Variants in PCNT observed in about 807,000 individuals in gnomAD.
PCNT encodes pericentrin.
Under a neutral mutation model 380.4 loss-of-function variants are expected in PCNT, and 319 were observed. The ratio of observed to expected loss-of-function variants is 0.84; its 90% CI spans 0.77 to 0.92. The LOEUF is 0.92. PCNT is among the 40% of genes least tolerant of loss of function. The probability of loss-of-function intolerance (pLI) is 0.00; values close to 1 mark genes in which losing one functional copy is unlikely to be tolerated. For synonymous variants in PCNT, 1,845 were observed against 1,735.2 expected, an observed-to-expected ratio of 1.06 and a Z score of -1.57; for missense variants, 4,400 against 4,255.3, an observed-to-expected ratio of 1.03 and a Z score of -0.95.
chr21:46,441,502 G>T (rs985849668), intron 43 of PCNT, among the ~76,000 whole-genome samples: 1 of 152,188 alleles, frequency 6.6e-6, no homozygotes, highest in Admixed American at 6.5e-5. Flanking sequence ...TAGGAATCCC[G>T]CTCCTTTCAG....
intron 6 of PCNT, among the ~76,000 whole-genome samples, chr21:46,347,748 C>T (rs1298327608): frequency 2.6e-5 from 4 of 152,208 alleles, no homozygotes; most frequent in African/African-American, 9.6e-5. Context: ...CTGCTCGGCC[C>T]CTCCATGCTG....
intron 39 of PCNT, among the ~76,000 whole-genome samples, chr21:46,436,720 G>A (rs2053466314): frequency 1.3e-5 from 2 of 152,124 alleles, no homozygotes; most frequent in Admixed American, 6.5e-5. Flanking sequence ...GGAAAGCCAC[G>A]GGGCCTGGCA....
intron 27 of PCNT, among the ~76,000 whole-genome samples, chr21:46,409,801 C>T (rs570165251): frequency 1.3e-5 from 2 of 152,010 alleles, no homozygotes; most frequent in East Asian, 1.9e-4. Flanking sequence ...ACCGTGTCGG[C>T]CAGGCTGATC....
intron 21 of PCNT, 30 bp downstream of exon 21, chr21:46,391,406 C>G (rs774281622): frequency 6.6e-7 from 1 of 1,524,330 alleles, no homozygotes; most frequent in South Asian, 1.2e-5. Flanking sequence ...GAGGGTGGTG[C>G]GAGCTGTGGG....
rs1326634567 is a variant in PCNT at position 46,388,926 on chromosome 21, C to A, written c.3607+42C>A. 1.9e-6 allele frequency: 3 copies of A among 1,556,856 alleles called. No homozygotes were observed. In the African/African-American group the frequency reaches 4.1e-5, roughly 21 times the overall value. On this transcript the variant is annotated intron_variant, in intron 18 of 46. Transcript: ENST00000359568. The surrounding 1 kb of genome is among the most constrained non-coding windows in gnomAD (Gnocchi z 4.2). The stretch of plus-strand genomic sequence containing the variant: ...CAGCTGCCCAGCCCTGTGCTTGCAG[C>A]CCCTCTGTGGTCCTGGAGCTCTCTG...
Position 46,397,300 on chromosome 21 carries a change from C to T in PCNT, c.4252C>T (p.Gln1418Ter), listed in dbSNP as rs760980034. 6.2e-7 allele frequency: 1 copy of T among 1,614,084 alleles called. No individual in the cohort carries two copies. ...RKEVEDLTKE[Q>*]SETRKQAEKD... Reference sequence around the variant, plus strand: ...GGAAGTGGAGGATCTGACCAAAGAACAGTCGGAGACCAGGAAGCAGGCTGA... The same window carrying T: ...GGAAGTGGAGGATCTGACCAAAGAATAGTCGGAGACCAGGAAGCAGGCTGA... The change falls in exon 22 of 47, where the codon CAG (glutamine) becomes TAG (stop). Residue 1418 changes from glutamine (Q) to a stop codon, truncating the protein, a stop_gained. Transcript: ENST00000359568. LOFTEE classifies it high-confidence loss of function.
intron 40 of PCNT, 107 bp downstream of exon 40, chr21:46,437,188 C>T (rs1255667999): frequency 2.8e-5 from 21 of 744,694 alleles, no homozygotes; most frequent in African/African-American, 5.2e-5. Context: ...CTTCCTCCCT[C>T]GCTGCCTTCT....
chr21:46,380,124 C>A (rs938416937), intron 15 of PCNT, among the ~76,000 whole-genome samples: 1 of 144,544 alleles, frequency 6.9e-6, no homozygotes, highest in Non-Finnish European at 1.5e-5. Flanking sequence ...CTGACTGTTT[C>A]CAACCGGTGC....
At chr21:46,330,787 C>T (rs1413911041) in intron 2 of PCNT, among the ~76,000 whole-genome samples, 2 of 152,206 alleles carry the variant, frequency 1.3e-5, no homozygotes, top group African/African-American at 2.4e-5. Context: ...TTAAAGCTAG[C>T]AGCTGGTGGC....
intron 25 of PCNT, 145 bp from the exon 26 acceptor site, chr21:46,401,406 T>G: frequency 1.4e-6 from 1 of 701,540 alleles, no homozygotes; most frequent in Non-Finnish European, 2.5e-6. Flanking sequence ...CAGTGTTGCC[T>G]GGTGTGTCAC....
Position 46,411,382 on chromosome 21 carries a change from G to A in PCNT, c.5309G>A (p.Ser1770Asn), listed in dbSNP as rs1311408065. ...VHEVSDSQAG[S>N]LQSELLCSQA... ...GAAGTCAGCGACAGTCAGGCTGGCA[G>A]TCTGCAGAGCGAGCTGCTCTGCTCC... is the stretch of plus-strand genomic sequence containing the variant. Residue 1770 changes from serine to asparagine, a missense_variant, in exon 28 of 47, where the codon AGT (serine) becomes AAT (asparagine). Ser to Asn is a conservative substitution (Grantham distance 46). Transcript: ENST00000359568. 1 of 1,613,938 alleles carries A rather than the reference G, an allele frequency of 6.2e-7. No homozygotes were observed. Among genetic ancestry groups the A allele is most frequent in the Admixed American group, 1.7e-5 (1 of 60,032 alleles).
intron 14 of PCNT, among the ~76,000 whole-genome samples, chr21:46,365,568 T>TTCACTCCCATGGGGTTCTTA (rs2084888498): frequency 1.0e-5 from 1 of 99,878 alleles, no homozygotes; most frequent in Non-Finnish European, 2.2e-5. Context: ...TGGGGTTCTG[T>TTCACTCCCATGGGGTTCTTA]TCACTCCCAT....
chr21:46,423,051 C>G (rs1057280802), intron 32 of PCNT, among the ~76,000 whole-genome samples: 1 of 152,124 alleles, frequency 6.6e-6, no homozygotes, highest in Admixed American at 6.5e-5. Flanking sequence ...AGTTCAAGAC[C>G]AGCCTGGGCA....
At chr21:46,414,678 C>T (rs1455218574) in intron 29 of PCNT, among the ~76,000 whole-genome samples, 1 of 134,540 alleles carries the variant, frequency 7.4e-6, no homozygotes, top group Non-Finnish European at 1.6e-5. Flanking sequence ...TGCTCCTCCT[C>T]CTCCTCCTGG....
At chr21:46,354,413 G>A (rs1295245312) in intron 11 of PCNT, among the ~76,000 whole-genome samples, 1 of 152,246 alleles carries the variant, frequency 6.6e-6, no homozygotes, top group African/African-American at 2.4e-5. Context: ...TCCACACGGA[G>A]CGTCTGCTGG....
At position 46,445,284 on chromosome 21, in the gene PCNT, A is replaced by G; in HGVS notation, c.9968A>G (p.Asp3323Gly). Residue 3323 changes from aspartate to glycine, a missense_variant and splice_region_variant, in exon 47 of 47, where the codon GAT becomes GGT. Transcript: ENST00000359568. ...IQQRLGGVLP[D>G]STSKKSCHPM... ...CTGCCTCATTTTTATTTATATGCAG[A>G]TTCTACTTCAAAGAAATCCTGCCAC... 6.2e-7 allele frequency: 1 copy of G among 1,605,176 alleles called. No homozygotes were observed. The highest frequency in any genetic ancestry group is 8.5e-7 in the Non-Finnish European group (1 of 1,171,750).
intron 1 of PCNT, among the ~76,000 whole-genome samples, chr21:46,325,618 A>G (rs2083365113): frequency 6.6e-6 from 1 of 152,210 alleles, no homozygotes; most frequent in Non-Finnish European, 1.5e-5. Flanking sequence ...CATTTACACA[A>G]ATGTGTGTTC....
intron 13 of PCNT, among the ~76,000 whole-genome samples, chr21:46,361,225 A>C (rs2084703895): frequency 6.6e-6 from 1 of 152,090 alleles, no homozygotes; most frequent in African/African-American, 2.4e-5. Flanking sequence ...TCTTTACTAA[A>C]AAATAAAATA....
rs1323043278 is a variant in PCNT, at chr21:46,391,256, G to T, written c.4096G>T (p.Glu1366Ter). 1.2e-6 allele frequency: 2 copies of T among 1,602,010 alleles called. No individual in the cohort carries two copies. Among genetic ancestry groups the T allele is most frequent in the East Asian group, 2.2e-5 (1 of 44,500 alleles). ...DSEHRLVLELESLRRQLQQAA... is the reference protein window; with the variant it reads ...DSEHRLVLEL ...CGAGCACCGTCTGGTGCTGGAGCTGGAGAGCCTGAGACGGCAGCTGCAGCA... is the reference window on the plus strand; with the variant it reads ...CGAGCACCGTCTGGTGCTGGAGCTGTAGAGCCTGAGACGGCAGCTGCAGCA... Residue 1366 changes from glutamate to a stop codon, truncating the protein, a stop_gained, in exon 21 of 47, where the codon GAG (glutamate) becomes TAG (stop). Coordinates refer to ENST00000359568, the MANE Select transcript of PCNT (RefSeq NM_006031.6). LOFTEE classifies it high-confidence loss of function.
Sources: allele counts gnomAD v4.1 joint callset (sites outside exome capture counted in the v4.1 genomes callset), GRCh38; gene constraint gnomAD v4.1.1; non-coding constraint Gnocchi (gnomAD v3.1); transcripts MANE v1.5; gene names NCBI Gene and HGNC (gene_info 2026-07-23, HGNC 2026-07-21).